Variants in GUCY2C observed in about 807,000 individuals in gnomAD.
GUCY2C encodes the protein guanylyl cyclase C.
A neutral mutation model predicts 131.1 loss-of-function variants in GUCY2C; 118 were observed. The ratio of observed to expected loss-of-function variants is 0.90; its 90% CI spans 0.78 to 1.05. The LOEUF (loss-of-function observed/expected upper bound fraction) is 1.05. Ranked by LOEUF, GUCY2C falls within the 50% of genes least tolerant of loss-of-function variation. The pLI is 0.00. For synonymous variants in GUCY2C, 452 were observed against 457.8 expected (o/e 0.99, Z 0.16); for missense variants, 1,161 against 1,304.4 (o/e 0.89, Z 1.69).
chr12:14,655,881 A>C (rs932552465), intron 12 of GUCY2C, among the ~76,000 whole-genome samples: 2 of 152,146 alleles, frequency 1.3e-5, no homozygotes, highest in African/African-American at 4.8e-5. Flanking sequence ...AGTAAGTGTT[A>C]GCTATTATTA....
In GUCY2C at chr12:14,686,303, AG is replaced by A. The variant is rs1948468740; in HGVS notation, c.331-79del. On this transcript the variant is annotated intron_variant, in intron 2 of 26. Transcript: ENST00000261170. Reference sequence around the variant, plus strand: ...GGACAGGAAAGAAGTAGCAAGGGGAAGGCTCCCAGAGGTTTAGAAAGTTGGG... The same window carrying A: ...GGACAGGAAAGAAGTAGCAAGGGGAAGCTCCCAGAGGTTTAGAAAGTTGGG... 3.0e-6 allele frequency: 3 copies of A among 1,011,126 alleles called. No individual in the cohort carries two copies. In the Admixed American group the frequency reaches 5.7e-5, roughly 19 times the overall value. 62.6% of individuals were successfully genotyped at this position (1,011,126 alleles called of 1,614,324 possible).
chr12:14,680,955 C>T (rs747375179), intron 5 of GUCY2C, among the ~76,000 whole-genome samples: 3 of 152,054 alleles, frequency 2.0e-5, no homozygotes, highest in Admixed American at 2.0e-4. Flanking sequence ...TCAATAAATT[C>T]ATCCTCTTGG....
chr12:14,690,702 C>T (rs1466216301), intron 1 of GUCY2C, among the ~76,000 whole-genome samples: 1 of 152,210 alleles, frequency 6.6e-6, no homozygotes, highest in Non-Finnish European at 1.5e-5. Context: ...CCACCACACC[C>T]GGCTAATTTT....
Position 14,651,407 on chromosome 12 carries a change from C to T in GUCY2C, c.1710G>A (p.Arg570=), listed in dbSNP as rs1420304473. The T allele has an allele frequency of 1.4e-6, 2 of 1,433,364 alleles. No homozygotes were observed. Among genetic ancestry groups the T allele is most frequent in the South Asian group, 1.2e-5 (1 of 86,246 alleles). The allele number at this position is 1,433,364 out of a possible 1,614,324, so 88.8% of individuals were successfully genotyped here. The change falls in exon 15 of 27, where the codon CGG becomes CGA. Residue 570 remains arginine, a splice_region_variant and synonymous_variant. Transcript: ENST00000261170. The part of the protein sequence containing the change: ...VIEYCERGSL[R]EVLNDTISYP... Reference sequence around the variant, plus strand: ...ATTGGAAATGACCATGGTTTCTTACCCGGAGGGATCCTCTCTCACAGTATT... The same window carrying T: ...ATTGGAAATGACCATGGTTTCTTACTCGGAGGGATCCTCTCTCACAGTATT...
chr12:14,635,871 C>A (rs1582410), intron 19 of GUCY2C, among the ~76,000 whole-genome samples: 128,102 of 152,086 alleles, frequency 0.84, 57,800 homozygotes, highest in East Asian at 0.99. Flanking sequence ...TGGAGAAATT[C>A]CTGGATAAAT....
intron 14 of GUCY2C, 41 bp downstream of exon 14, chr12:14,651,913 ATGAAG>A (rs1377295907): frequency 1.2e-5 from 12 of 1,027,098 alleles, no homozygotes; most frequent in Non-Finnish European, 1.8e-5. Flanking sequence ...ATTAGAGGAA[ATGAAG>A]TGAAGTTATT....
intron 3 of GUCY2C, among the ~76,000 whole-genome samples, chr12:14,684,432 G>C (rs10744075): frequency 6.1e-4 from 93 of 152,080 alleles, no homozygotes; most frequent in Non-Finnish European, 1.1e-3. Context: ...CTTCATAAGA[G>C]TTTTTTCCTC....
intron 21 of GUCY2C, among the ~76,000 whole-genome samples, chr12:14,622,987 T>A (rs542502167): frequency 6.6e-6 from 1 of 152,322 alleles, no homozygotes; most frequent in African/African-American, 2.4e-5. Flanking sequence ...AGTGGGATGG[T>A]CCCTGTCTGT....
At chr12:14,642,954 T>C (rs1947439234) in intron 17 of GUCY2C, among the ~76,000 whole-genome samples, 1 of 152,230 alleles carries the variant, frequency 6.6e-6, no homozygotes, top group South Asian at 2.1e-4. Context: ...ACATGAGTTC[T>C]AGATATCTGA....
rs1239957121 is a variant in GUCY2C at position 14,684,864 on chromosome 12, G to A, written c.395+1297C>T. Among the ~76,000 whole-genome samples the A allele has an allele frequency of 2.6e-5, 4 of 151,866 alleles. No individual in the cohort carries two copies. In the East Asian group the frequency reaches 7.7e-4, roughly 29 times the overall value. On this transcript the variant is annotated intron_variant, in intron 3 of 26. Transcript: ENST00000261170. Reference sequence around the variant, plus strand: ...TTTTTATTTTTAAACTTTCTGGAGAGCAGAGTCTCACTATGTTGCCTAGGC... The same window carrying A: ...TTTTTATTTTTAAACTTTCTGGAGAACAGAGTCTCACTATGTTGCCTAGGC...
At chr12:14,681,779 A>G (rs961469772) in intron 4 of GUCY2C, among the ~76,000 whole-genome samples, 1 of 152,150 alleles carries the variant, frequency 6.6e-6, no homozygotes, top group South Asian at 2.1e-4. Context: ...GGTTACTTTG[A>G]TTTAAAGTGA....
rs531414207 is a variant in GUCY2C at position 14,677,129 on chromosome 12, T to C, written c.831-158A>G. 2.0e-5 allele frequency among the ~76,000 whole-genome samples: 3 copies of C among 152,338 alleles called. 1 individual carries two copies. The South Asian group carries it at 6.2e-4, about 32-fold the overall frequency. ...CTACTTTCCCCAGATAGAATTGTTT[T>C]CTTCTGTGCTTGTTAGGTTAAATAA... On this transcript the variant is annotated intron_variant, in intron 6 of 26. Coordinates refer to ENST00000261170, the MANE Select transcript of GUCY2C (RefSeq NM_004963.4).
intron 1 of GUCY2C, among the ~76,000 whole-genome samples, chr12:14,690,793 G>A (rs1406101144): frequency 1.3e-5 from 2 of 152,020 alleles, no homozygotes; most frequent in Non-Finnish European, 2.9e-5. Flanking sequence ...CGCCCGCCTC[G>A]GCCTCCCAAA....
intron 8 of GUCY2C, among the ~76,000 whole-genome samples, chr12:14,674,046 C>T (rs1012763430): frequency 4.6e-5 from 7 of 152,154 alleles, no homozygotes; most frequent in African/African-American, 1.7e-4. Flanking sequence ...TGTCATTTAT[C>T]TTTGACTTAG....
At chr12:14,688,131 G>A in intron 1 of GUCY2C, 68 bp from the exon 2 acceptor site, 1 of 981,502 alleles carries the variant, frequency 1.0e-6, no homozygotes, top group Admixed American at 1.8e-5. Context: ...TCAGCCATGA[G>A]ATTGATTCTG....
In GUCY2C at chr12:14,656,566, A is replaced by G; in HGVS notation, c.1416T>C (p.Pro472=). Residue 472 remains proline (P), a synonymous_variant, in exon 12 of 27, where the codon CCT becomes CCC. Transcript: ENST00000261170. ...TCTCCAGAGGAAAGATATTTTCAGG[A>G]GGAATGTGGGACCATTTTTTCTGAC... ...ELRQKKWSHI[P]PENIFPLETN... 2 of 1,605,850 alleles carry G rather than the reference A, an allele frequency of 1.2e-6. No individual in the cohort carries two copies. The highest frequency in any genetic ancestry group is 3.3e-5 in the Admixed American group (2 of 60,016).
In GUCY2C at chr12:14,676,932, A is replaced by G. The variant is rs756700099; in HGVS notation, c.870T>C (p.Tyr290=). 1.3e-6 allele frequency: 2 copies of G among 1,569,790 alleles called. No homozygotes were observed. The highest frequency in any genetic ancestry group is 1.7e-5 in the Admixed American group (1 of 59,084). ...GCGTCAGAACAAGGACATTTTTCAT[A>G]TAGTCAGGGGCTGTGACATTGTCCT... ...YFEDNVTAPD[Y]MKNVLVLTLS... is the part of the protein sequence containing the mutation. Residue 290 remains tyrosine (Y), a synonymous_variant, in exon 7 of 27, where the codon TAT becomes TAC. Transcript: ENST00000261170.
In GUCY2C at chr12:14,683,161, A is replaced by G; in HGVS notation, c.492T>C (p.Ala164=). The G allele has an allele frequency of 1.9e-6, 3 of 1,613,354 alleles. No individual in the cohort carries two copies. Among genetic ancestry groups the G allele is most frequent in the Non-Finnish European group, 2.5e-6 (3 of 1,179,334 alleles). ...KETLTRLMSP[A]RKLMYFLVNF... ...TAACCAAGAAGTACATCAACTTTCT[A>G]GCTGGAGACATCAGCCTGGTTAAGG... Residue 164 remains alanine, a synonymous_variant, in exon 4 of 27, where the codon GCT becomes GCC. Coordinates refer to ENST00000261170, the MANE Select transcript of GUCY2C (RefSeq NM_004963.4).
At chr12:14,672,832 G>A (rs1382101414) in intron 9 of GUCY2C, 41 bp downstream of exon 9, 2 of 1,161,016 alleles carry the variant, frequency 1.7e-6, no homozygotes, top group African/African-American at 3.0e-5. Context: ...TCCTCACCCA[G>A]TCACAGCACC....
Sources: allele counts gnomAD v4.1 joint callset (sites outside exome capture counted in the v4.1 genomes callset), GRCh38; gene constraint gnomAD v4.1.1; transcripts MANE v1.5; gene names NCBI Gene and HGNC (gene_info 2026-07-23, HGNC 2026-07-21).